Variants in XRN1 observed in about 807,000 individuals in gnomAD.
XRN1 encodes strand-exchange protein 1 homolog.
XRN1 carries 67 observed loss-of-function variants against 222.3 expected under a neutral mutation model. The ratio of observed to expected loss-of-function variants is 0.30; its 90% CI spans 0.25 to 0.37. XRN1 has a LOEUF of 0.37. Among genes scored for constraint, XRN1 ranks in the 10% least tolerant of loss-of-function variants. The pLI, the probability that XRN1 is intolerant of heterozygous loss-of-function variation, is 1.00. For missense variants in XRN1, 1,707 were observed against 2,000.2 expected (o/e 0.85, Z 2.80); for synonymous variants, 643 against 652.4 (o/e 0.99, Z 0.22).
Position 142,334,764 on chromosome 3 carries a change from GTA to G in XRN1, c.3939+682_3939+683del, listed in dbSNP as rs563834276. On this transcript the variant is annotated intron_variant, in intron 34 of 40. Transcript: ENST00000392981. ...TATGTGTGTGTATATATATGTCTAT[GTA>G]TACACACACACACACACACACACAC... Among the ~76,000 whole-genome samples, 667 of 107,108 alleles carry G rather than the reference GTA, an allele frequency of 6.2e-3. 8 individuals carry two copies. Among genetic ancestry groups the G allele is most frequent in the African/African-American group, 0.029 (648 of 22,312 alleles). 70.3% of individuals were successfully genotyped at this position (107,108 alleles called of 152,430 possible).
At chr3:142,348,917 G>A (rs921285692) in intron 32 of XRN1, among the ~76,000 whole-genome samples, 12 of 152,102 alleles carry the variant, frequency 7.9e-5, no homozygotes, top group African/African-American at 2.9e-4. Flanking sequence ...TGGGATTACA[G>A]GCATGAGCCA....
At position 142,308,894 on chromosome 3, in the gene XRN1, T is replaced by C. The variant is rs1245481782; in HGVS notation, c.*2617A>G. ...AAGTTGAATGAGCATATTTTTAAAC[T>C]TTGGGGGTGGTCTTAGTCCACCCCA... On this transcript the variant is annotated 3_prime_UTR_variant, in exon 41 of 41. Transcript: ENST00000392981. 6.6e-6 allele frequency: 1 copy of C among 152,206 alleles called. No homozygotes were observed. The highest frequency in any genetic ancestry group is 1.5e-5 in the Non-Finnish European group (1 of 68,028). 9.4% of individuals were successfully genotyped at this position (152,206 alleles called of 1,614,324 possible).
chr3:142,388,640 C>T (rs534992524), intron 20 of XRN1, among the ~76,000 whole-genome samples: 14 of 152,236 alleles, frequency 9.2e-5, no homozygotes, highest in South Asian at 4.1e-4. Flanking sequence ...GGATGGCTGA[C>T]GCAATTTTTG....
At chr3:142,344,259 T>C (rs554781294) in intron 33 of XRN1, among the ~76,000 whole-genome samples, 1 of 152,226 alleles carries the variant, frequency 6.6e-6, no homozygotes, top group South Asian at 2.1e-4. Flanking sequence ...AAAAGATAAA[T>C]GCTTGAGGTG....
At chr3:142,341,771 T>C (rs760627663) in intron 33 of XRN1, among the ~76,000 whole-genome samples, 1 of 152,172 alleles carries the variant, frequency 6.6e-6, no homozygotes, top group Non-Finnish European at 1.5e-5. Flanking sequence ...AGGGGTTAGC[T>C]ATACTTATAT....
chr3:142,439,492 G>A (rs2070097761), intron 1 of XRN1, among the ~76,000 whole-genome samples: 1 of 152,160 alleles, frequency 6.6e-6, no homozygotes, highest in African/African-American at 2.4e-5. Flanking sequence ...CTGTAACACA[G>A]GGAAAGGAAG....
At chr3:142,418,791 T>G in intron 11 of XRN1, 24 bp downstream of exon 11, 1 of 1,611,136 alleles carries the variant, frequency 6.2e-7, no homozygotes, top group Non-Finnish European at 8.5e-7. Flanking sequence ...TAGTAACATA[T>G]CAAAACACAT....
At chr3:142,338,058 T>G (rs2065895711) in intron 33 of XRN1, among the ~76,000 whole-genome samples, 1 of 152,202 alleles carries the variant, frequency 6.6e-6, no homozygotes, top group African/African-American at 2.4e-5. Context: ...CCACAAGGAC[T>G]ACACGTCCTA....
chr3:142,331,358 T>G (rs1395032789), intron 36 of XRN1, among the ~76,000 whole-genome samples: 4 of 148,912 alleles, frequency 2.7e-5, no homozygotes, highest in African/African-American at 9.9e-5. Flanking sequence ...CTTTACAGAC[T>G]TAAGAGTATG....
In XRN1 at chr3:142,370,570, C is replaced by G. The variant is rs755901064; in HGVS notation, c.3119G>C (p.Ser1040Thr). 6.2e-7 allele frequency: 1 copy of G among 1,604,444 alleles called. No individual in the cohort carries two copies. The highest frequency in any genetic ancestry group is 8.5e-7 in the Non-Finnish European group (1 of 1,176,752). Residue 1040 changes from serine to threonine, a missense_variant, in exon 27 of 41, where the codon AGT (serine) becomes ACT (threonine). Physicochemically the swap from Ser to Thr is moderately conservative, Grantham distance 58. This residue lies in a region of XRN1 where 1,234 missense variants were observed against 1,518.2 expected (regional missense o/e 0.81). Coordinates refer to ENST00000392981, the MANE Select transcript of XRN1 (RefSeq NM_001282857.2). ...ATCACAAGAAGAACGAGATAAAGTA[C>G]TGACAGGATGTCCTTTTAGCCAAGT... The part of the protein sequence containing the change: ...IITWLKGHPV[S>T]TLSRSSCDLQ...
intron 33 of XRN1, among the ~76,000 whole-genome samples, chr3:142,342,228 C>T (rs1469582637): frequency 1.3e-5 from 2 of 151,954 alleles, no homozygotes; most frequent in East Asian, 3.8e-4. Flanking sequence ...AACTAATTAC[C>T]TAGGAATTAA....
chr3:142,406,259 T>C (rs995417807), intron 15 of XRN1, among the ~76,000 whole-genome samples: 5 of 152,314 alleles, frequency 3.3e-5, no homozygotes, highest in African/African-American at 1.2e-4. Flanking sequence ...AGGGCAAGGA[T>C]TGCCTCTTCA....
intron 15 of XRN1, among the ~76,000 whole-genome samples, 157 bp from the exon 16 acceptor site, chr3:142,405,233 G>A (rs2068298585): frequency 6.6e-6 from 1 of 152,058 alleles, no homozygotes; most frequent in South Asian, 2.1e-4. Flanking sequence ...CCATTTTATT[G>A]CATGAAAAAT....
In XRN1 at chr3:142,432,209, T is replaced by TA. The variant is rs1473531750; in HGVS notation, c.308+451_308+452insT. On this transcript the variant is annotated intron_variant, in intron 2 of 40. Transcript: ENST00000392981. Reference sequence around the variant, plus strand: ...TATATAAAATTTATTTTATATATAATTAATTATATATATAATTAATTATAT... The same window carrying TA: ...TATATAAAATTTATTTTATATATAATATAATTATATATATAATTAATTATAT... Among the ~76,000 whole-genome samples, 95 of 103,282 alleles carry TA rather than the reference T, an allele frequency of 9.2e-4. 1 individual carries two copies. Among genetic ancestry groups the TA allele is most frequent in the African/African-American group, 3.1e-3 (88 of 28,518 alleles). 67.8% of individuals were successfully genotyped at this position (103,282 alleles called of 152,430 possible).
intron 39 of XRN1, among the ~76,000 whole-genome samples, chr3:142,317,263 AC>A (rs1253032245): frequency 2.6e-5 from 4 of 151,788 alleles, no homozygotes; most frequent in African/African-American, 9.7e-5. Flanking sequence ...TTTGACACTT[AC>A]CTCCTTTCCT....
intron 30 of XRN1, 52 bp downstream of exon 30, chr3:142,359,810 C>T: frequency 7.4e-7 from 1 of 1,350,860 alleles, no homozygotes; most frequent in Non-Finnish European, 1.0e-6. Flanking sequence ...TGTAAAGTCA[C>T]TGGCCACATG....
intron 24 of XRN1, 102 bp from the exon 25 acceptor site, chr3:142,376,046 T>G: frequency 2.1e-6 from 3 of 1,409,612 alleles, no homozygotes; most frequent in Non-Finnish European, 2.8e-6. Context: ...TTGCTTTCAA[T>G]TCTTAGAAAA....
chr3:142,369,996 G>A (rs933229101), intron 27 of XRN1, among the ~76,000 whole-genome samples: 1 of 150,076 alleles, frequency 6.7e-6, no homozygotes, highest in Non-Finnish European at 1.5e-5. Context: ...GCAGTGAGCC[G>A]AGATCCTGCC....
rs763667244 is a variant in XRN1, at chr3:142,447,923, T to G, written c.22A>C (p.Arg8=). Residue 8 remains arginine, a synonymous_variant, in exon 1 of 41, where the codon AGA becomes CGA. Coordinates refer to ENST00000392981, the MANE Select transcript of XRN1 (RefSeq NM_001282857.2). This position sits in a 1 kb window ranked among gnomAD's most constrained non-coding sequence, Gnocchi z 4.2. ...CAGGGATACCGCTCTGAGATCCATC[T>G]GTAAAACTTGGGGACTCCCATTTCG... MGVPKFY[R]WISERYPCLS... 6.2e-7 allele frequency: 1 copy of G among 1,614,044 alleles called. No homozygotes were observed. The highest frequency in any genetic ancestry group is 1.7e-5 in the Admixed American group (1 of 60,018).
Sources: gnomAD v4.1 joint callset for allele counts (sites outside exome capture counted in the v4.1 genomes callset) on GRCh38, gnomAD v4.1.1 for gene constraint, gnomAD v4.1.1 regional missense constraint, Gnocchi (gnomAD v3.1) non-coding constraint, MANE v1.5 for transcripts, NCBI Gene and HGNC (gene_info 2026-07-23, HGNC 2026-07-21) for gene names.